The following RNF150 variants were observed in gnomAD, a reference collection of about 807,000 sequenced individuals.
The protein encoded by RNF150 is ring finger protein 150.
A neutral mutation model predicts 39.3 loss-of-function variants in RNF150; 24 were observed. The ratio of observed to expected loss-of-function variants is 0.61; its 90% CI spans 0.44 to 0.86. The LOEUF (loss-of-function observed/expected upper bound fraction) is 0.86. Among genes scored for constraint, RNF150 ranks in the 40% least tolerant of loss-of-function variants. The pLI, the probability that RNF150 is intolerant of heterozygous loss-of-function variation, is 0.00. For synonymous variants in RNF150, 255 were observed against 227.3 expected, an observed-to-expected ratio of 1.12 and a Z score of -1.10; for missense variants, 502 against 587.8, an observed-to-expected ratio of 0.85 and a Z score of 1.51.
chr4:141,162,122 C>T (rs533125589), intron 1 of RNF150, among the ~76,000 whole-genome samples: 4 of 152,304 alleles, frequency 2.6e-5, no homozygotes, highest in East Asian at 1.9e-4. Context: ...TAGCACTCAA[C>T]GCCAGCCCAT....
intron 1 of RNF150, among the ~76,000 whole-genome samples, chr4:141,186,462 G>A (rs572786057): frequency 5.5e-4 from 83 of 151,974 alleles, no homozygotes; most frequent in Non-Finnish European, 9.6e-4. Context: ...GCAGTGGCAC[G>A]ATCTCGGCTC....
rs182439766 is a variant in RNF150, at chr4:141,092,314, G to T, written c.484+40011C>A. ...GCTGAGATTGCGCCACTGCACTCCA[G>T]CCTGGGCAACAGAGCAAGACTCCCT... is the stretch of plus-strand genomic sequence containing the variant. On this transcript the variant is annotated intron_variant, in intron 1 of 6. Transcript: ENST00000515673. Among the ~76,000 whole-genome samples the T allele has an allele frequency of 2.6e-4, 40 of 151,066 alleles. No homozygotes were observed. In the East Asian group the frequency reaches 4.9e-3, roughly 18 times the overall value.
Position 141,209,769 on chromosome 4 carries a change from A to T in RNF150, c.-6+3025T>A, listed in dbSNP as rs1023287799. On this transcript the variant is annotated intron_variant, in intron 1 of 7. Transcript: ENST00000420921. ...CCACCCAAAATGGGGGGGTATCTATAAAAAAAAACTCTGATTTCTTGAGGC... is the reference window on the plus strand; with the variant it reads ...CCACCCAAAATGGGGGGGTATCTATTAAAAAAAACTCTGATTTCTTGAGGC... 4.6e-5 allele frequency among the ~76,000 whole-genome samples: 7 copies of T among 151,478 alleles called. No homozygotes were observed. The South Asian group carries it at 8.4e-4, about 18-fold the overall frequency.
At chr4:141,036,797 G>A (rs10007993) in intron 1 of RNF150, among the ~76,000 whole-genome samples, 118,986 of 152,102 alleles carry the variant, frequency 0.78, 47,009 homozygotes, top group African/African-American at 0.8. Flanking sequence ...GATAATGCTT[G>A]CTCATTTCAA....
chr4:141,151,098 C>A (rs762156928), intron 1 of RNF150, among the ~76,000 whole-genome samples: 1 of 151,804 alleles, frequency 6.6e-6, no homozygotes, highest in African/African-American at 2.4e-5. Context: ...CATTACCATA[C>A]CTGGCTAAGT....
chr4:140,968,911 T>A (rs1733353470), intron 1 of RNF150, among the ~76,000 whole-genome samples: 1 of 151,724 alleles, frequency 6.6e-6, no homozygotes, highest in Non-Finnish European at 1.5e-5. Context: ...CCAATTCAAA[T>A]CCAGGGAGAA....
rs574260960 is a variant in RNF150, at chr4:140,969,038, C to T, written c.485-1165G>A. On this transcript the variant is annotated intron_variant, in intron 1 of 6. Coordinates refer to ENST00000515673, the MANE Select transcript of RNF150 (RefSeq NM_020724.2). ...CAACAAGGATGTTGTAGATTCAGGG[C>T]AAAATTAAACTCCACTACAGCTGCT... is the stretch of plus-strand genomic sequence containing the variant. 2.0e-5 allele frequency among the ~76,000 whole-genome samples: 3 copies of T among 151,998 alleles called. No homozygotes were observed. The East Asian group carries it at 5.8e-4, about 29-fold the overall frequency.
At chr4:141,051,631 A>T (rs748762295) in intron 1 of RNF150, among the ~76,000 whole-genome samples, 4 of 152,220 alleles carry the variant, frequency 2.6e-5, no homozygotes, top group African/African-American at 4.8e-5. Context: ...CCTTTGCTCC[A>T]GTTCTCAACA....
At chr4:141,168,533 C>T (rs1034841891) in intron 1 of RNF150, among the ~76,000 whole-genome samples, 2 of 152,076 alleles carry the variant, frequency 1.3e-5, no homozygotes, top group Admixed American at 6.6e-5. Flanking sequence ...AGCAAAGACT[C>T]GGAACCAACC....
chr4:141,114,561 T>C (rs920774019), intron 1 of RNF150, among the ~76,000 whole-genome samples: 1 of 152,192 alleles, frequency 6.6e-6, no homozygotes, highest in Non-Finnish European at 1.5e-5. Context: ...CACAGCCAAA[T>C]TCACAGCCGA....
chr4:141,053,107 T>C (rs189617553), intron 1 of RNF150, among the ~76,000 whole-genome samples: 97 of 152,302 alleles, frequency 6.4e-4, no homozygotes, highest in Non-Finnish European at 1.2e-3. Flanking sequence ...AGTCACACGG[T>C]AAGTGCTGAA....
intron 1 of RNF150, among the ~76,000 whole-genome samples, chr4:141,006,443 A>ATTGTT: frequency 6.6e-6 from 1 of 152,300 alleles, no homozygotes; most frequent in South Asian, 2.1e-4. Flanking sequence ...TCCCTGGGAA[A>ATTGTT]GTGACATCTG....
chr4:141,084,234 C>G (rs1738263102), intron 1 of RNF150, among the ~76,000 whole-genome samples: 1 of 152,168 alleles, frequency 6.6e-6, no homozygotes, highest in South Asian at 2.1e-4. Context: ...TAACTGAAAA[C>G]ATTTTCTTAT....
chr4:140,880,269 C>G (rs1266171779), intron 6 of RNF150, among the ~76,000 whole-genome samples: 2 of 151,886 alleles, frequency 1.3e-5, no homozygotes, highest in South Asian at 2.1e-4. Flanking sequence ...GATTTTCATT[C>G]TTTGTTCTGT....
chr4:140,981,639 T>C (rs1443271882), intron 1 of RNF150, among the ~76,000 whole-genome samples: 2 of 152,160 alleles, frequency 1.3e-5, no homozygotes, highest in South Asian at 2.1e-4. Flanking sequence ...AGCAGCACAG[T>C]AGCATCACTA....
In RNF150 at chr4:141,090,819, T is replaced by C. The variant is rs560777651; in HGVS notation, c.484+41506A>G. Among the ~76,000 whole-genome samples the C allele has an allele frequency of 3.9e-5, 6 of 152,358 alleles. No homozygotes were observed. In the South Asian group the frequency reaches 8.3e-4, roughly 21 times the overall value. On this transcript the variant is annotated intron_variant, in intron 1 of 6. Coordinates refer to ENST00000515673, the MANE Select transcript of RNF150 (RefSeq NM_020724.2). The stretch of plus-strand genomic sequence containing the variant: ...CAATGGTTTTTTGTTTTGTTTTTTT[T>C]TCCAGAGAAGCTGGAAATCTGGATT...
At position 141,076,902 on chromosome 4, in the gene RNF150, C is replaced by G. The variant is rs147921706; in HGVS notation, c.484+55423G>C. Among the ~76,000 whole-genome samples the G allele has an allele frequency of 2.3e-3, 348 of 152,206 alleles. 1 individual carries two copies. Among genetic ancestry groups the G allele is most frequent in the African/African-American group, 8.2e-3 (339 of 41,524 alleles). ...CGCATGGTCTAGACGATCCTGTTTG[C>G]AGGGCAGCTTTGATTCTATCCCCAT... On this transcript the variant is annotated intron_variant, in intron 1 of 6. Coordinates refer to ENST00000515673, the MANE Select transcript of RNF150 (RefSeq NM_020724.2).
chr4:141,201,802 C>T (rs1396381175), intron 1 of RNF150, among the ~76,000 whole-genome samples: 3 of 152,080 alleles, frequency 2.0e-5, no homozygotes, highest in Non-Finnish European at 4.4e-5. Context: ...CAACAAACAG[C>T]TTGACTTTAG....
intron 4 of RNF150, among the ~76,000 whole-genome samples, chr4:140,932,350 T>G (rs1392846034): frequency 6.6e-6 from 1 of 152,242 alleles, no homozygotes; most frequent in African/African-American, 2.4e-5. Flanking sequence ...ATCCCTACTA[T>G]GTACCAGGCA....
Sources: allele counts gnomAD v4.1 joint callset (sites outside exome capture counted in the v4.1 genomes callset), GRCh38; gene constraint gnomAD v4.1.1; transcripts MANE v1.5; gene names NCBI Gene and HGNC (gene_info 2026-07-23, HGNC 2026-07-21).